Variants in CRYBA4 observed in about 807,000 individuals in gnomAD.
CRYBA4 encodes crystallin beta A4, also known as beta-crystallin A4.
In CRYBA4, 30 loss-of-function variants were observed where a neutral mutation model predicts 31.7. The ratio of observed to expected loss-of-function variants is 0.95; its 90% CI spans 0.71 to 1.28. CRYBA4 has a LOEUF of 1.28. CRYBA4 is among the 50% of genes most tolerant of loss of function. The probability of loss-of-function intolerance (pLI) is 0.00; values close to 1 mark genes in which losing one functional copy is unlikely to be tolerated. For synonymous variants in CRYBA4, 102 were observed against 102.3 expected (o/e 1.00, Z 0.02); for missense variants, 225 against 260.7 (o/e 0.86, Z 0.94).
the CRYBA4 span, among the ~76,000 whole-genome samples, chr22:26,603,168 C>CATTT: frequency 6.6e-6 from 1 of 150,864 alleles, no homozygotes; most frequent in South Asian, 2.1e-4. Flanking sequence ...CTGCCTCTGA[C>CATTT]ATTTATGCAC....
chr22:26,628,576 CAGA>C, intron 5 of CRYBA4, 146 bp downstream of exon 5: 1 of 974,952 alleles, frequency 1.0e-6, no homozygotes. Context: ...AGGTATCAGG[CAGA>C]ATTTGAGGGA....
the CRYBA4 span, among the ~76,000 whole-genome samples, chr22:26,593,620 G>A: frequency 6.6e-6 from 1 of 151,966 alleles, no homozygotes; most frequent in South Asian, 2.1e-4. Context: ...CCGCCTCCTG[G>A]GTCCAAGCAG....
At chr22:26,592,282 A>G in the CRYBA4 span, among the ~76,000 whole-genome samples, 3 of 152,220 alleles carry the variant, frequency 2.0e-5, no homozygotes, top group African/African-American at 4.8e-5. Context: ...CATTCTAGCA[A>G]TGGCATTTCC....
the CRYBA4 span, among the ~76,000 whole-genome samples, chr22:26,591,036 C>G: frequency 2.0e-5 from 3 of 152,168 alleles, no homozygotes; most frequent in African/African-American, 7.2e-5. Context: ...TCTTTGTTCT[C>G]TTTTAACTTT....
At chr22:26,621,873 T>G, upstream of CRYBA4, 2 of 605,232 alleles carry the variant, frequency 3.3e-6, no homozygotes, top group Non-Finnish European at 4.1e-6. Context: ...TTTGTTTCTG[T>G]GGCCCAGTTG....
At chr22:26,591,618 G>A in the CRYBA4 span, among the ~76,000 whole-genome samples, 3 of 151,808 alleles carry the variant, frequency 2.0e-5, no homozygotes, top group African/African-American at 7.3e-5. Flanking sequence ...GTGCATGCCT[G>A]TAGTCCCAGC....
At chr22:26,620,274 G>T (rs1156941752), upstream of CRYBA4, among the ~76,000 whole-genome samples, 1 of 152,080 alleles carries the variant, frequency 6.6e-6, no homozygotes, top group Admixed American at 6.5e-5. Context: ...TGAAGATGAT[G>T]GAAATACCAC....
At chr22:26,620,255 T>C (rs543976675), upstream of CRYBA4, among the ~76,000 whole-genome samples, 6 of 152,362 alleles carry the variant, frequency 3.9e-5, no homozygotes, top group South Asian at 2.1e-4. Flanking sequence ...TTATTAGCAA[T>C]GGTGATGATG....
In CRYBA4 at chr22:26,630,537, C is replaced by T. The variant is rs370621569; in HGVS notation, c.*50C>T. On this transcript the variant is annotated 3_prime_UTR_variant, in exon 6 of 6. Coordinates refer to ENST00000354760, the MANE Select transcript of CRYBA4 (RefSeq NM_001886.3). The stretch of plus-strand genomic sequence containing the variant: ...CATGCGTGCTTATCTGCAATGGAGG[C>T]GCTCTGGAGGCTGTGGTGTGTTCTC... 37 of 1,535,812 alleles carry T rather than the reference C, an allele frequency of 2.4e-5. No individual in the cohort carries two copies. Among genetic ancestry groups the T allele is most frequent in the Admixed American group, 1.0e-4 (6 of 57,464 alleles).
At chr22:26,626,852 T>A (rs1190280810) in intron 4 of CRYBA4, among the ~76,000 whole-genome samples, 1 of 152,192 alleles carries the variant, frequency 6.6e-6, no homozygotes, top group African/African-American at 2.4e-5. Flanking sequence ...ATAATCTATA[T>A]ATCTTATCTA....
chr22:26,623,854 C>T (rs1929621009), intron 3 of CRYBA4, among the ~76,000 whole-genome samples: 1 of 151,968 alleles, frequency 6.6e-6, no homozygotes, highest in Non-Finnish European at 1.5e-5. Context: ...ACTAATAACA[C>T]ACCAAGACTT....
At chr22:26,605,795 CAG>C in the CRYBA4 span, among the ~76,000 whole-genome samples, 1 of 148,914 alleles carries the variant, frequency 6.7e-6, no homozygotes, top group Non-Finnish European at 1.5e-5. Context: ...CTTCCCACGA[CAG>C]GGGGCTGGAA....
chr22:26,622,010 G>A, intron 1 of CRYBA4, 24 bp downstream of exon 1: 2 of 986,076 alleles, frequency 2.0e-6, no homozygotes, highest in Non-Finnish European at 2.4e-6. Context: ...TTGGAGGAGG[G>A]GTGGGATCAG....
the CRYBA4 span, among the ~76,000 whole-genome samples, chr22:26,597,078 G>C: frequency 6.6e-6 from 1 of 152,188 alleles, no homozygotes; most frequent in Non-Finnish European, 1.5e-5. Flanking sequence ...AGTGAGATGA[G>C]GGAAGGTGAG....
At chr22:26,617,038 C>T (rs939962420), upstream of CRYBA4, among the ~76,000 whole-genome samples, 2 of 152,204 alleles carry the variant, frequency 1.3e-5, no homozygotes, top group South Asian at 2.1e-4. Flanking sequence ...AATGCATGCT[C>T]CCAGCTCCTT....
At chr22:26,604,747 C>A in the CRYBA4 span, among the ~76,000 whole-genome samples, 61 of 152,200 alleles carry the variant, frequency 4.0e-4, no homozygotes, top group Non-Finnish European at 7.5e-4. Context: ...GCACAGGGGA[C>A]CCTTTGGGGC....
At chr22:26,619,471 G>A (rs941953084), upstream of CRYBA4, among the ~76,000 whole-genome samples, 22 of 152,214 alleles carry the variant, frequency 1.4e-4, no homozygotes, top group African/African-American at 4.8e-4. Context: ...GAGCTGCTCA[G>A]CTAGGTCACC....
chr22:26,629,734 C>CGAAAAAAAAAAA (rs1929862478), intron 5 of CRYBA4, among the ~76,000 whole-genome samples: 1 of 80,600 alleles, frequency 1.2e-5, no homozygotes, highest in South Asian at 4.3e-4. Flanking sequence ...GACTCTGTCT[C>CGAAAAAAAAAAA]AAAAAAAAAA....
the CRYBA4 span, chr22:26,616,207 G>T: frequency 6.2e-7 from 1 of 1,614,176 alleles, no homozygotes; most frequent in African/African-American, 1.3e-5. Flanking sequence ...TGGGGCCAGG[G>T]TAGTGCCGGG....
Sources: gnomAD v4.1 joint callset for allele counts (sites outside exome capture counted in the v4.1 genomes callset) on GRCh38, gnomAD v4.1.1 for gene constraint, MANE v1.5 for transcripts, NCBI Gene and HGNC (gene_info 2026-07-23, HGNC 2026-07-21) for gene names.